The following KLF8 variants were observed in gnomAD, a reference collection of about 807,000 sequenced individuals.
KLF8 encodes Krueppel-like factor 8.
In KLF8, 10 loss-of-function variants were observed where a neutral mutation model predicts 18.2. The ratio of observed to expected loss-of-function variants is 0.55; its 90% CI spans 0.34 to 0.93. The LOEUF (loss-of-function observed/expected upper bound fraction) is 0.93, where lower values mean the gene tolerates loss of function less well. Among genes scored for constraint, KLF8 ranks in the 40% least tolerant of loss-of-function variants. The probability of loss-of-function intolerance (pLI) is 0.02; values close to 1 mark genes in which losing one functional copy is unlikely to be tolerated. For missense variants in KLF8, 264 were observed against 277.9 expected, an observed-to-expected ratio of 0.95 and a Z score of 0.36; for synonymous variants, 109 against 97.3, an observed-to-expected ratio of 1.12 and a Z score of -0.71.
At chrX:56,177,528 C>T in the KLF8 span, among the ~76,000 whole-genome samples, 1 of 111,053 alleles carries the variant, frequency 9.0e-6, no homozygotes, top group East Asian at 2.8e-4. Flanking sequence ...GTGTGCCTCC[C>T]AGTTAGGCTA....
the KLF8 span, among the ~76,000 whole-genome samples, chrX:56,154,345 A>C: frequency 2.7e-5 from 3 of 111,993 alleles, no homozygotes; most frequent in Non-Finnish European, 5.6e-5. Flanking sequence ...CAAAAACAAG[A>C]AATGGGGAAA....
chrX:56,081,756 CATTG>C, the KLF8 span, among the ~76,000 whole-genome samples: 13 of 111,932 alleles, frequency 1.2e-4, no homozygotes, highest in African/African-American at 3.9e-4. Flanking sequence ...TGATGTATTA[CATTG>C]ATTGAAATTC....
the KLF8 span, among the ~76,000 whole-genome samples, chrX:56,187,671 C>A: frequency 9.0e-6 from 1 of 110,664 alleles, no homozygotes; most frequent in African/African-American, 3.3e-5. Context: ...AAAACTTATC[C>A]ACCATGATCA....
At chrX:56,019,641 T>C in the KLF8 span, among the ~76,000 whole-genome samples, 1 of 111,399 alleles carries the variant, frequency 9.0e-6, no homozygotes, top group African/African-American at 3.3e-5. Flanking sequence ...GTGATGAGGG[T>C]TATGTGGTAA....
At chrX:56,059,344 C>T in the KLF8 span, among the ~76,000 whole-genome samples, 1 of 111,953 alleles carries the variant, frequency 8.9e-6, no homozygotes, top group African/African-American at 3.2e-5. Context: ...TGTGAAGAAG[C>T]TCTTTAGTTT....
At chrX:56,123,678 T>G in the KLF8 span, among the ~76,000 whole-genome samples, 1 of 112,346 alleles carries the variant, frequency 8.9e-6, no homozygotes, top group African/African-American at 3.2e-5. Context: ...TGACCCCTTC[T>G]CAGACATTTC....
rs749417589 is a variant in KLF8, at chrX:56,247,261, A to G, written c.8-2970A>G. Among the ~76,000 whole-genome samples, 13 of 111,958 alleles carry G rather than the reference A, an allele frequency of 1.2e-4. No homozygotes were observed. The East Asian group carries it at 3.4e-3, about 29-fold the overall frequency. On this transcript the variant is annotated intron_variant, in intron 1 of 5. Transcript: ENST00000468660. The stretch of plus-strand genomic sequence containing the variant: ...GGTGTATATTTGTGTATCTAAACAT[A>G]GAAAAGGCACAGTTAAAATATGGCA...
At chrX:56,040,140 G>A in the KLF8 span, among the ~76,000 whole-genome samples, 3 of 111,014 alleles carry the variant, frequency 2.7e-5, no homozygotes, top group African/African-American at 9.8e-5. Context: ...GACAATGGGG[G>A]CTTCAAGATA....
chrX:56,036,870 T>A, the KLF8 span, among the ~76,000 whole-genome samples: 1 of 111,797 alleles, frequency 8.9e-6, no homozygotes, highest in Non-Finnish European at 1.9e-5. Context: ...TTGTAATTTT[T>A]CTTGTAGAAA....
intron 2 of KLF8, among the ~76,000 whole-genome samples, chrX:56,254,385 C>A (rs938041250): frequency 9.0e-6 from 1 of 111,430 alleles, no homozygotes; most frequent in African/African-American, 3.3e-5. Context: ...AAACTCTATG[C>A]GCACCCCACA....
chrX:56,181,551 C>A, the KLF8 span, among the ~76,000 whole-genome samples: 1 of 111,899 alleles, frequency 8.9e-6, no homozygotes, highest in Middle Eastern at 4.6e-3. Flanking sequence ...GCAGTTTCTT[C>A]CTAGCATCAG....
the KLF8 span, among the ~76,000 whole-genome samples, chrX:56,133,035 A>G: frequency 9.0e-6 from 1 of 111,377 alleles, no homozygotes; most frequent in African/African-American, 3.3e-5. Context: ...AAAATGGCCA[A>G]CAAAACCAGT....
the KLF8 span, among the ~76,000 whole-genome samples, chrX:56,003,534 A>G: frequency 1.8e-5 from 2 of 111,946 alleles, no homozygotes; most frequent in Admixed American, 1.9e-4. Flanking sequence ...TTGAAAAAAA[A>G]GAGAATGAAC....
the KLF8 span, among the ~76,000 whole-genome samples, chrX:55,937,844 A>G: frequency 8.9e-6 from 1 of 111,957 alleles, no homozygotes; most frequent in Non-Finnish European, 1.9e-5. Context: ...AAAAGAAATG[A>G]GCAAAGCCTC....
chrX:56,251,924 T>A (rs958744357), intron 2 of KLF8, among the ~76,000 whole-genome samples: 2 of 111,687 alleles, frequency 1.8e-5, no homozygotes, highest in Non-Finnish European at 3.8e-5. Context: ...ATTACACTCT[T>A]TTAGATATTT....
At chrX:56,222,258 G>A in the KLF8 span, among the ~76,000 whole-genome samples, 1 of 111,633 alleles carries the variant, frequency 9.0e-6, no homozygotes, top group South Asian at 3.8e-4. Context: ...GACACAGAGT[G>A]CTGATTGGTG....
the KLF8 span, among the ~76,000 whole-genome samples, chrX:56,152,472 G>A: frequency 9.0e-6 from 1 of 111,443 alleles, no homozygotes; most frequent in Non-Finnish European, 1.9e-5. Flanking sequence ...GGTTACCTGG[G>A]CAGTATCGGT....
chrX:56,284,498 G>T lies in KLF8; in HGVS notation c.*4G>T. 1 of 1,168,587 alleles carries T rather than the reference G, an allele frequency of 8.6e-7. No individual in the cohort carries two copies. Among genetic ancestry groups the T allele is most frequent in the East Asian group, 3.0e-5 (1 of 32,812 alleles). On this transcript the variant is annotated 3_prime_UTR_variant, in exon 6 of 6. Transcript: ENST00000468660. Reference sequence around the variant, plus strand: ...CCGTCGCCATGACACCATGTGAGCCGCACAGGTCACACTAGAGAAGCTGCG... The same window carrying T: ...CCGTCGCCATGACACCATGTGAGCCTCACAGGTCACACTAGAGAAGCTGCG...
the KLF8 span, among the ~76,000 whole-genome samples, chrX:56,018,045 C>T: frequency 9.0e-6 from 1 of 111,625 alleles, no homozygotes; most frequent in African/African-American, 3.3e-5. Context: ...GAGAGCATTC[C>T]AGATCTCTTC....
Sources: gnomAD v4.1 joint callset for allele counts (sites outside exome capture counted in the v4.1 genomes callset) on GRCh38, gnomAD v4.1.1 for gene constraint, MANE v1.5 for transcripts, NCBI Gene and HGNC (gene_info 2026-07-23, HGNC 2026-07-21) for gene names.